The following SEPTIN7 variants were observed in gnomAD, a reference collection of about 807,000 sequenced individuals.
SEPTIN7 encodes the protein septin-7.
Under a neutral mutation model 63.3 loss-of-function variants are expected in SEPTIN7, and 10 were observed. The observed-to-expected ratio is 0.16, with a 90% CI of 0.10 to 0.27. The LOEUF (loss-of-function observed/expected upper bound fraction) is 0.27, where lower values mean the gene tolerates loss of function less well. Among genes scored for constraint, SEPTIN7 ranks in the 10% least tolerant of loss-of-function variants. The probability of loss-of-function intolerance (pLI) is 1.00; values close to 1 mark genes in which losing one functional copy is unlikely to be tolerated. For synonymous variants in SEPTIN7, 131 were observed against 165.3 expected (o/e 0.79, Z 1.59); for missense variants, 310 against 521.0 (o/e 0.59, Z 3.94).
the SEPTIN7 span, among the ~76,000 whole-genome samples, chr7:35,915,491 A>G: frequency 5.3e-5 from 8 of 152,184 alleles, no homozygotes; most frequent in African/African-American, 1.7e-4. Flanking sequence ...GTGAAATATC[A>G]CTAATGTCAT....
intron 1 of SEPTIN7, among the ~76,000 whole-genome samples, chr7:35,830,337 A>T (rs1013555801): frequency 3.9e-5 from 6 of 152,326 alleles, no homozygotes; most frequent in African/African-American, 1.2e-4. Context: ...TGAGGCCAGA[A>T]GTAAGAGTAG....
chr7:35,869,149 A>G (rs1785992603), intron 4 of SEPTIN7, among the ~76,000 whole-genome samples: 1 of 152,152 alleles, frequency 6.6e-6, no homozygotes, highest in South Asian at 2.1e-4. Flanking sequence ...GGAGGTTGCT[A>G]ATAGAAAATG....
chr7:35,866,761 A>G (rs1164083458), intron 4 of SEPTIN7, among the ~76,000 whole-genome samples: 2 of 152,156 alleles, frequency 1.3e-5, no homozygotes, highest in Non-Finnish European at 1.5e-5. Flanking sequence ...TTAACCTCTT[A>G]TCTTGGACCT....
intron 4 of SEPTIN7, 69 bp from the exon 5 acceptor site, chr7:35,872,597 C>A: frequency 8.4e-7 from 1 of 1,196,570 alleles, no homozygotes. Flanking sequence ...AACGTCCCTA[C>A]CATCACCCCT....
intron 1 of SEPTIN7, among the ~76,000 whole-genome samples, chr7:35,818,101 C>T (rs1475788138): frequency 1.3e-5 from 2 of 151,946 alleles, no homozygotes; most frequent in Non-Finnish European, 2.9e-5. Flanking sequence ...TTCAGTCTTT[C>T]ATCATTGTGG....
chr7:35,802,947 C>T (rs188475315), intron 1 of SEPTIN7, among the ~76,000 whole-genome samples: 43 of 152,246 alleles, frequency 2.8e-4, no homozygotes, highest in Non-Finnish European at 7.4e-5. Context: ...AGGTGATTTG[C>T]ATGGTAGCAT....
chr7:35,821,195 G>A (rs1263483888), intron 1 of SEPTIN7, among the ~76,000 whole-genome samples: 1 of 152,158 alleles, frequency 6.6e-6, no homozygotes, highest in Non-Finnish European at 1.5e-5. Context: ...TTTTTACCAA[G>A]GCTCAGCCCC....
chr7:35,849,533 G>A (rs143943309), intron 3 of SEPTIN7, among the ~76,000 whole-genome samples: 317 of 152,234 alleles, frequency 2.1e-3, no homozygotes, highest in Middle Eastern at 3.4e-3. Flanking sequence ...AACAGGCCAC[G>A]GACTGTGGGT....
At chr7:35,899,570 T>C (rs895438071) in intron 12 of SEPTIN7, 1 of 152,076 alleles carries the variant, frequency 6.6e-6, no homozygotes, top group African/African-American at 2.4e-5. Context: ...CCCTATAAAA[T>C]AATAAATTAT....
intron 3 of SEPTIN7, among the ~76,000 whole-genome samples, chr7:35,859,859 C>T (rs1004308881): frequency 6.6e-6 from 1 of 152,000 alleles, no homozygotes; most frequent in East Asian, 1.9e-4. Context: ...TTACTTTGAA[C>T]CTATGTGTTT....
intron 12 of SEPTIN7, chr7:35,901,746 C>A (rs1437518223): frequency 6.6e-6 from 1 of 151,994 alleles, no homozygotes; most frequent in Non-Finnish European, 1.5e-5. Context: ...CTATTGTATC[C>A]CTCTCTCTCA....
intron 3 of SEPTIN7, among the ~76,000 whole-genome samples, chr7:35,844,105 T>A (rs1473833739): frequency 6.6e-6 from 1 of 152,230 alleles, no homozygotes; most frequent in East Asian, 1.9e-4. Flanking sequence ...ACATCAGCAG[T>A]GTAAGTGCTA....
chr7:35,905,928 C>T lies in SEPTIN7; in HGVS notation c.*1635C>T, dbSNP rs1788589035. 6.6e-6 allele frequency: 1 copy of T among 152,100 alleles called. No homozygotes were observed. The highest frequency in any genetic ancestry group is 2.1e-4 in the South Asian group (1 of 4,826). 9.4% of individuals were successfully genotyped at this position (152,100 alleles called of 1,614,324 possible). ...TAATTAATGTAGCCTAGTTTATTAT[C>T]TTGAAATGTTTTACCCTATTTACTT... On this transcript the variant is annotated 3_prime_UTR_variant, in exon 14 of 14. Coordinates refer to ENST00000350320, the MANE Select transcript of SEPTIN7 (RefSeq NM_001788.6).
At chr7:35,845,152 A>G (rs1374413209) in intron 3 of SEPTIN7, among the ~76,000 whole-genome samples, 1 of 152,156 alleles carries the variant, frequency 6.6e-6, no homozygotes, top group African/African-American at 2.4e-5. Context: ...ATACTTACAC[A>G]GGAATGCTGT....
intron 1 of SEPTIN7, chr7:35,812,084 G>A: frequency 4.3e-6 from 1 of 232,292 alleles, no homozygotes; most frequent in South Asian, 3.8e-5. Flanking sequence ...CCAAGATCAA[G>A]CCTCTGCACT....
chr7:35,837,981 G>C lies in SEPTIN7; in HGVS notation c.169+5081G>C, dbSNP rs188484199. On this transcript the variant is annotated intron_variant, in intron 3 of 13. Transcript: ENST00000350320. ...TGACCTCAGGTGATCCACTTGCCTC[G>C]GCCTCCCAAAGTACTGGGATTACAG... 2.3e-3 allele frequency among the ~76,000 whole-genome samples: 351 copies of C among 152,078 alleles called. 1 individual carries two copies. The highest frequency in any genetic ancestry group is 3.5e-3 in the Non-Finnish European group (236 of 67,972).
At position 35,882,594 on chromosome 7, in the gene SEPTIN7, C is replaced by T. The variant is rs750437820; in HGVS notation, c.723+18C>T. 7.2e-6 allele frequency: 10 copies of T among 1,382,260 alleles called. No homozygotes were observed. In the East Asian group the frequency reaches 2.4e-4, roughly 33 times the overall value. 85.6% of individuals were successfully genotyped at this position (1,382,260 alleles called of 1,614,324 possible). Reference sequence around the variant, plus strand: ...AGATAAAGGTAGGTTCATCCCTGTACACACGCTAAAGTAATCTGAGGCCTT... The same window carrying T: ...AGATAAAGGTAGGTTCATCCCTGTATACACGCTAAAGTAATCTGAGGCCTT... On this transcript the variant is annotated intron_variant, in intron 8 of 13. Transcript: ENST00000350320.
Position 35,907,028 on chromosome 7 carries a change from T to A in SEPTIN7, c.*2735T>A, listed in dbSNP as rs904544432. The A allele has an allele frequency of 2.1e-4, 32 of 152,340 alleles. No individual in the cohort carries two copies. The highest frequency in any genetic ancestry group is 7.2e-4 in the African/African-American group (30 of 41,570). 9.4% of individuals were successfully genotyped at this position (152,340 alleles called of 1,614,324 possible). A position where few individuals can be genotyped will look rare whatever the true frequency, so the allele number is the denominator to read the frequency against. ...ATGTATTGAACAATGAAAATATGTG[T>A]CAACAAATGTACTGCTACACTAATG... On this transcript the variant is annotated 3_prime_UTR_variant, in exon 14 of 14. Coordinates refer to ENST00000350320, the MANE Select transcript of SEPTIN7 (RefSeq NM_001788.6).
chr7:35,908,647 G>A (rs892773331), downstream of SEPTIN7, among the ~76,000 whole-genome samples: 1 of 152,160 alleles, frequency 6.6e-6, no homozygotes, highest in Non-Finnish European at 1.5e-5. Flanking sequence ...GCTAGCAGAG[G>A]GGGGGTAGTC....
Sources: allele counts gnomAD v4.1 joint callset (sites outside exome capture counted in the v4.1 genomes callset), GRCh38; gene constraint gnomAD v4.1.1; transcripts MANE v1.5; gene names NCBI Gene and HGNC (gene_info 2026-07-23, HGNC 2026-07-21).